Variants in WDFY3 observed in about 807,000 individuals in gnomAD.
WDFY3 encodes WD repeat and FYVE domain containing 3, also known as WD repeat and FYVE domain-containing protein 3.
A neutral mutation model predicts 409.6 loss-of-function variants in WDFY3; 66 were observed. That is an observed-to-expected ratio of 0.16 (90% CI 0.13 to 0.20). The LOEUF (loss-of-function observed/expected upper bound fraction) is 0.20. Ranked by LOEUF, WDFY3 falls within the 10% of genes least tolerant of loss-of-function variation. The probability of loss-of-function intolerance (pLI) is 1.00; values close to 1 mark genes in which losing one functional copy is unlikely to be tolerated. For synonymous variants in WDFY3, 1,521 were observed against 1,537.1 expected (o/e 0.99, Z 0.25); for missense variants, 3,031 against 4,298.1 (o/e 0.71, Z 8.24).
chr4:84,826,877 C>T lies in WDFY3; in HGVS notation c.1061G>A (p.Gly354Asp). Reference sequence around the variant, plus strand: ...TAAAAAGGGTGCCCCTGTGGTAATACCAGCTGGTTTTAGTTCACTGACACC... The same window carrying T: ...TAAAAAGGGTGCCCCTGTGGTAATATCAGCTGGTTTTAGTTCACTGACACC... ...TYGVSELKPA[G>D]ITTGAPFLLP... The change falls in exon 10 of 68, where the codon GGT (glycine) becomes GAT (aspartate). Residue 354 changes from glycine (G) to aspartate (D), a missense_variant. By Grantham distance (94) the Gly-to-Asp change is moderately conservative. Around this residue, in one of 16 missense-constraint regions of WDFY3, gnomAD observed 1,322 missense variants for 1,697.9 expected, o/e 0.78. Transcript: ENST00000295888. 1 of 1,610,404 alleles carries T rather than the reference C, an allele frequency of 6.2e-7. No individual in the cohort carries two copies. Among genetic ancestry groups the T allele is most frequent in the Non-Finnish European group, 8.5e-7 (1 of 1,179,064 alleles).
At chr4:84,787,396 T>C (rs1288425903) in intron 23 of WDFY3, 86 bp downstream of exon 23, 3 of 1,302,142 alleles carry the variant, frequency 2.3e-6, no homozygotes, top group Non-Finnish European at 3.2e-6. Flanking sequence ...AGATTAACAA[T>C]ATGTATAACC....
chr4:84,743,104 T>C (rs1197779631), intron 37 of WDFY3, among the ~76,000 whole-genome samples: 1 of 152,216 alleles, frequency 6.6e-6, no homozygotes, highest in Non-Finnish European at 1.5e-5. Context: ...ACAGAGGTTA[T>C]ATGATTAGCA....
chr4:84,731,263 T>C (rs1736558208), intron 44 of WDFY3, among the ~76,000 whole-genome samples: 1 of 152,298 alleles, frequency 6.6e-6, no homozygotes, highest in African/African-American at 2.4e-5. Flanking sequence ...TAGAATTCAG[T>C]GGGATAATAG....
chr4:84,811,520 G>A (rs1226284305), intron 13 of WDFY3, among the ~76,000 whole-genome samples: 1 of 152,084 alleles, frequency 6.6e-6, no homozygotes, highest in Non-Finnish European at 1.5e-5. Flanking sequence ...AATGGTAAAG[G>A]TAGAATTTAA....
intron 13 of WDFY3, among the ~76,000 whole-genome samples, chr4:84,813,246 G>A (rs928290802): frequency 8.5e-5 from 13 of 152,162 alleles, no homozygotes; most frequent in Non-Finnish European, 4.4e-5. Context: ...TTTCCCTATT[G>A]GCTCTCAGCG....
At chr4:84,740,627 C>T (rs1200511539) in intron 38 of WDFY3, among the ~76,000 whole-genome samples, 1 of 151,690 alleles carries the variant, frequency 6.6e-6, no homozygotes, top group Non-Finnish European at 1.5e-5. Context: ...ATGAGGGCTA[C>T]ATAAAAAAAA....
At chr4:84,844,147 A>C (rs1307763186) in intron 5 of WDFY3, among the ~76,000 whole-genome samples, 1 of 152,180 alleles carries the variant, frequency 6.6e-6, no homozygotes, top group Non-Finnish European at 1.5e-5. Flanking sequence ...CTGAGAGTAA[A>C]CAAACGAATT....
intron 51 of WDFY3, among the ~76,000 whole-genome samples, chr4:84,709,714 ACTTT>A (rs1273882711): frequency 6.6e-6 from 1 of 152,158 alleles, no homozygotes; most frequent in Admixed American, 6.5e-5. Context: ...ATCTAGTTCA[ACTTT>A]CTGTTTGTTT....
rs1270194772 is a variant in WDFY3 at position 84,789,665 on chromosome 4, ACACACC to A, written c.3669+55_3669+60del. 3.6e-3 allele frequency: 5,306 copies of A among 1,475,032 alleles called. 139 individuals are homozygous for A. The highest frequency in any genetic ancestry group is 9.5e-3 in the East Asian group (380 of 39,808). 91.4% of individuals were successfully genotyped at this position (1,475,032 alleles called of 1,614,324 possible). A position where few individuals can be genotyped will look rare whatever the true frequency, so the allele number is the denominator to read the frequency against. ...CACACACACACACACACACACACAC[ACACACC>A]CCCCAAACTACTACCTTATAAAACA... On this transcript the variant is annotated intron_variant, in intron 22 of 67. Transcript: ENST00000295888.
At chr4:84,768,008 A>C (rs1743986132) in intron 30 of WDFY3, among the ~76,000 whole-genome samples, 1 of 152,202 alleles carries the variant, frequency 6.6e-6, no homozygotes, top group Non-Finnish European at 1.5e-5. Context: ...GCTGGAGCCC[A>C]GGAGGCCGAG....
chr4:84,895,394 T>C (rs996427957), intron 3 of WDFY3, among the ~76,000 whole-genome samples: 2 of 152,218 alleles, frequency 1.3e-5, no homozygotes, highest in Non-Finnish European at 2.9e-5. Context: ...GCCTTAGAAA[T>C]TGAAGACAAG....
At chr4:84,899,646 A>G (rs532813864) in intron 2 of WDFY3, among the ~76,000 whole-genome samples, 20 of 152,268 alleles carry the variant, frequency 1.3e-4, no homozygotes, top group African/African-American at 4.6e-4. Context: ...CTCCTTTCAC[A>G]CTACAACAGC....
Position 84,890,273 on chromosome 4 carries a change from T to C in WDFY3, c.-32+6638A>G, listed in dbSNP as rs139953936. Among the ~76,000 whole-genome samples, 1,104 of 152,252 alleles carry C rather than the reference T, an allele frequency of 7.3e-3. 10 individuals are homozygous for C. Among genetic ancestry groups the C allele is most frequent in the African/African-American group, 0.025 (1,058 of 41,550 alleles). On this transcript the variant is annotated intron_variant, in intron 3 of 67. Transcript: ENST00000295888. ...CATCAACATGCCCAGCTAATTTTTG[T>C]ATTTTTTGTAGAGACAGAGTTTCAC...
At chr4:84,876,291 T>C (rs1560981508) in intron 3 of WDFY3, among the ~76,000 whole-genome samples, 2 of 152,202 alleles carry the variant, frequency 1.3e-5, no homozygotes, top group Non-Finnish European at 2.9e-5. Context: ...ATGCCTGTAG[T>C]CTGTTACAGA....
chr4:84,756,151 A>G (rs552585361), intron 33 of WDFY3, among the ~76,000 whole-genome samples: 37 of 152,300 alleles, frequency 2.4e-4, no homozygotes, highest in South Asian at 6.2e-4. Flanking sequence ...TATTTTCCCA[A>G]TGTGGATGCT....
intron 36 of WDFY3, among the ~76,000 whole-genome samples, chr4:84,746,402 A>C (rs1208351053): frequency 2.6e-5 from 4 of 152,144 alleles, no homozygotes; most frequent in Non-Finnish European, 4.4e-5. Context: ...TCAAATCTTA[A>C]CTAGAAAAAG....
intron 15 of WDFY3, among the ~76,000 whole-genome samples, chr4:84,805,204 A>G (rs1751316360): frequency 6.6e-6 from 1 of 152,182 alleles, no homozygotes; most frequent in South Asian, 2.1e-4. Context: ...CATACTCAAG[A>G]TATCTCATTA....
At chr4:84,687,494 C>A (rs1728529718) in intron 62 of WDFY3, among the ~76,000 whole-genome samples, 1 of 152,100 alleles carries the variant, frequency 6.6e-6, no homozygotes, top group South Asian at 2.1e-4. Flanking sequence ...TTTAAAAAAA[C>A]ATATTCTAGA....
intron 14 of WDFY3, 69 bp from the exon 15 acceptor site, chr4:84,808,486 G>T: frequency 7.4e-7 from 1 of 1,357,686 alleles, no homozygotes; most frequent in Non-Finnish European, 1.0e-6. Flanking sequence ...TTGGCAGTTG[G>T]TTAGTTTCAC....
Sources: gnomAD v4.1 joint callset for allele counts (sites outside exome capture counted in the v4.1 genomes callset) on GRCh38, gnomAD v4.1.1 for gene constraint, gnomAD v4.1.1 regional missense constraint, MANE v1.5 for transcripts, NCBI Gene and HGNC (gene_info 2026-07-23, HGNC 2026-07-21) for gene names.